PIGL: variants seen among roughly 807,000 people sequenced by gnomAD.
PIGL encodes N-acetylglucosaminyl-phosphatidylinositol de-N-acetylase.
In PIGL, 22 loss-of-function variants were observed where a neutral mutation model predicts 31.1. The observed-to-expected ratio is 0.71, with a 90% CI of 0.51 to 1.01. The LOEUF (loss-of-function observed/expected upper bound fraction) is 1.01, where lower values mean the gene tolerates loss of function less well. Among genes scored for constraint, PIGL ranks in the 50% least tolerant of loss-of-function variants. The pLI, the probability that PIGL is intolerant of heterozygous loss-of-function variation, is 0.00. For synonymous variants in PIGL, 131 were observed against 117.4 expected (o/e 1.12, Z -0.75); for missense variants, 302 against 315.9 (o/e 0.96, Z 0.33).
At chr17:16,274,911 A>C (rs2092888201) in intron 2 of PIGL, among the ~76,000 whole-genome samples, 1 of 151,888 alleles carries the variant, frequency 6.6e-6, no homozygotes. Flanking sequence ...TTGCGCCTGT[A>C]ATCCTAGCTA....
intron 3 of PIGL, among the ~76,000 whole-genome samples, chr17:16,301,350 C>T (rs976561985): frequency 4.0e-5 from 6 of 151,672 alleles, no homozygotes; most frequent in East Asian, 1.9e-4. Context: ...CTGCAACCTC[C>T]GCCTCCCGGG....
rs1453744349 is a variant in PIGL, at chr17:16,299,798, A to G, written c.336-90A>G. On this transcript the variant is annotated intron_variant, in intron 2 of 6. Coordinates refer to ENST00000225609, the MANE Select transcript of PIGL (RefSeq NM_004278.4). ...AGGGACCCTTACCCCCAATGTAACT[A>G]TCATAAAACTGGGCATGCACCTACT... 18 of 879,072 alleles carry G rather than the reference A, an allele frequency of 2.0e-5. No individual in the cohort carries two copies. In the Admixed American group the frequency reaches 3.1e-4, roughly 15 times the overall value. 54.5% of individuals were successfully genotyped at this position (879,072 alleles called of 1,614,324 possible). A position where few individuals can be genotyped will look rare whatever the true frequency, so the allele number is the denominator to read the frequency against.
At chr17:16,219,089 C>T (rs1375575982) in intron 1 of PIGL, among the ~76,000 whole-genome samples, 1 of 121,936 alleles carries the variant, frequency 8.2e-6, no homozygotes, top group African/African-American at 3.2e-5. Context: ...TTTTTTGAGA[C>T]GGAGTCTTGC....
intron 1 of PIGL, among the ~76,000 whole-genome samples, chr17:16,231,508 G>A (rs1003794395): frequency 1.3e-5 from 2 of 151,870 alleles, no homozygotes; most frequent in African/African-American, 2.4e-5. Flanking sequence ...CCAAAGTGCT[G>A]GGAATACAGA....
chr17:16,295,792 T>G (rs1483624562), intron 2 of PIGL, among the ~76,000 whole-genome samples: 2 of 151,704 alleles, frequency 1.3e-5, no homozygotes, highest in African/African-American at 2.4e-5. Flanking sequence ...AAATACAAAA[T>G]TAGCTGGGCA....
intron 1 of PIGL, among the ~76,000 whole-genome samples, chr17:16,221,985 G>T (rs1402844342): frequency 1.3e-5 from 2 of 152,196 alleles, no homozygotes; most frequent in East Asian, 3.9e-4. Context: ...AACTCCTCAA[G>T]TGATCCACCT....
intron 1 of PIGL, among the ~76,000 whole-genome samples, chr17:16,230,028 A>C (rs1443259944): frequency 2.0e-5 from 3 of 151,718 alleles, no homozygotes; most frequent in African/African-American, 4.8e-5. Flanking sequence ...ATGCCCAGCT[A>C]ATTATTGTAT....
At chr17:16,307,479 G>A (rs4791666) in intron 3 of PIGL, among the ~76,000 whole-genome samples, 233 of 152,294 alleles carry the variant, frequency 1.5e-3, no homozygotes, top group African/African-American at 5.5e-3. Flanking sequence ...ACTACACCTA[G>A]CACAGTTGGC....
intron 3 of PIGL, among the ~76,000 whole-genome samples, chr17:16,311,743 A>C (rs562681650): frequency 2.0e-5 from 3 of 151,756 alleles, no homozygotes; most frequent in South Asian, 2.1e-4. Flanking sequence ...CTGAGTGGAC[A>C]CAGCACATGT....
intron 3 of PIGL, among the ~76,000 whole-genome samples, chr17:16,309,427 T>C (rs1430278272): frequency 6.6e-6 from 1 of 152,250 alleles, no homozygotes; most frequent in African/African-American, 2.4e-5. Flanking sequence ...TTACTTGGAT[T>C]CCATTGATGA....
chr17:16,251,103 A>G (rs1189209694), intron 2 of PIGL, among the ~76,000 whole-genome samples: 2 of 152,184 alleles, frequency 1.3e-5, no homozygotes, highest in Non-Finnish European at 2.9e-5. Context: ...GACTTTCTTC[A>G]GGGAAGCAGA....
chr17:16,249,925 A>G (rs1054672795), intron 2 of PIGL, among the ~76,000 whole-genome samples: 8 of 152,184 alleles, frequency 5.3e-5, no homozygotes, highest in Non-Finnish European at 1.2e-4. Flanking sequence ...TCCTTAATCC[A>G]GTCAAGTTGA....
chr17:16,323,271 G>A (rs893388327), intron 6 of PIGL, among the ~76,000 whole-genome samples: 1 of 151,688 alleles, frequency 6.6e-6, no homozygotes, highest in East Asian at 1.9e-4. Flanking sequence ...TTCACTCTTG[G>A]TGCCCATGCT....
chr17:16,297,268 G>A (rs1006693198), intron 2 of PIGL, among the ~76,000 whole-genome samples: 15 of 152,144 alleles, frequency 9.9e-5, no homozygotes, highest in Admixed American at 8.5e-4. Context: ...TGGAGCCACC[G>A]AAAGAAAGGC....
Position 16,325,956 on chromosome 17 carries a change from G to T in PIGL, c.*58G>T. On this transcript the variant is annotated 3_prime_UTR_variant, in exon 7 of 7. Coordinates refer to ENST00000225609, the MANE Select transcript of PIGL (RefSeq NM_004278.4). The stretch of plus-strand genomic sequence containing the variant: ...AGGGGAAAATAGACAAAGGAGTGCA[G>T]AGGACCTGGCCTGGCACTGGCTTAT... 1 of 1,255,494 alleles carries T rather than the reference G, an allele frequency of 8.0e-7. No individual in the cohort carries two copies. The allele number at this position is 1,255,494 out of a possible 1,614,324, so 77.8% of individuals were successfully genotyped here.
At chr17:16,252,447 A>G (rs1455985594) in intron 2 of PIGL, among the ~76,000 whole-genome samples, 1 of 152,082 alleles carries the variant, frequency 6.6e-6, no homozygotes, top group Non-Finnish European at 1.5e-5. Flanking sequence ...GATAGATACC[A>G]AACTCTTTAA....
intron 2 of PIGL, among the ~76,000 whole-genome samples, chr17:16,292,825 G>C (rs1320230229): frequency 1.3e-5 from 2 of 152,096 alleles, no homozygotes. Flanking sequence ...TACTCTGTCT[G>C]GCTTCATACC....
At chr17:16,243,654 C>T (rs575261094) in intron 2 of PIGL, among the ~76,000 whole-genome samples, 2 of 152,268 alleles carry the variant, frequency 1.3e-5, no homozygotes, top group Non-Finnish European at 2.9e-5. Flanking sequence ...CCGTAAACCT[C>T]GAAAGATACA....
At chr17:16,238,928 AGAC>A (rs1284087133) in intron 2 of PIGL, among the ~76,000 whole-genome samples, 1 of 143,002 alleles carries the variant, frequency 7.0e-6, no homozygotes, top group Non-Finnish European at 1.5e-5. Flanking sequence ...AAAAAAAAAA[AGAC>A]GGGGTTTCGC....
Sources: allele counts gnomAD v4.1 joint callset (sites outside exome capture counted in the v4.1 genomes callset), GRCh38; gene constraint gnomAD v4.1.1; transcripts MANE v1.5; gene names NCBI Gene and HGNC (gene_info 2026-07-23, HGNC 2026-07-21).